Variants in SCHIP1 observed in about 807,000 individuals in gnomAD.
SCHIP1 encodes the protein schwannomin-interacting protein 1.
A neutral mutation model predicts 29.7 loss-of-function variants in SCHIP1; 8 were observed. The ratio of observed to expected loss-of-function variants is 0.27; its 90% CI spans 0.16 to 0.49. The LOEUF is 0.49. Among genes scored for constraint, SCHIP1 ranks in the 20% least tolerant of loss-of-function variants. The probability of loss-of-function intolerance (pLI) is 0.99; values close to 1 mark genes in which losing one functional copy is unlikely to be tolerated. For missense variants in SCHIP1, 193 were observed against 294.6 expected (o/e 0.66, Z 2.52); for synonymous variants, 76 against 94.9 (o/e 0.80, Z 1.16).
intron 1 of SCHIP1, among the ~76,000 whole-genome samples, chr3:159,852,476 A>T (rs1371130514): frequency 6.6e-6 from 1 of 152,184 alleles, no homozygotes; most frequent in Non-Finnish European, 1.5e-5. Flanking sequence ...TGCTTCTTGC[A>T]CCAAAACATC....
At chr3:159,369,167 T>C in the SCHIP1 span, among the ~76,000 whole-genome samples, 1 of 152,314 alleles carries the variant, frequency 6.6e-6, no homozygotes. Flanking sequence ...TCAATGACAA[T>C]TTTCAGTTTT....
chr3:159,769,713 G>C, the SCHIP1 span, among the ~76,000 whole-genome samples: 2 of 152,174 alleles, frequency 1.3e-5, no homozygotes, highest in African/African-American at 4.8e-5. Context: ...TCACACCATT[G>C]CACTCCAGCC....
At chr3:159,474,962 G>T in the SCHIP1 span, among the ~76,000 whole-genome samples, 1 of 152,132 alleles carries the variant, frequency 6.6e-6, no homozygotes, top group African/African-American at 2.4e-5. Flanking sequence ...TGATAAACAC[G>T]TAGAGAAATT....
At chr3:159,596,120 C>A in the SCHIP1 span, among the ~76,000 whole-genome samples, 7 of 152,034 alleles carry the variant, frequency 4.6e-5, no homozygotes, top group Non-Finnish European at 5.9e-5. Flanking sequence ...CAAACAACCC[C>A]ATCCAAAAGT....
At chr3:159,514,012 G>A in the SCHIP1 span, among the ~76,000 whole-genome samples, 1 of 152,170 alleles carries the variant, frequency 6.6e-6, no homozygotes. Context: ...TAATTCAGGT[G>A]CAAGACGTGA....
the SCHIP1 span, among the ~76,000 whole-genome samples, chr3:159,652,402 C>T: frequency 3.9e-5 from 6 of 152,106 alleles, no homozygotes; most frequent in African/African-American, 1.4e-4. Context: ...CCAACAGTCA[C>T]TACAAATTTT....
the SCHIP1 span, among the ~76,000 whole-genome samples, chr3:159,539,068 C>T: frequency 6.6e-6 from 1 of 152,014 alleles, no homozygotes; most frequent in Non-Finnish European, 1.5e-5. Context: ...TAAGAATAGC[C>T]TTGGGTTCAG....
the SCHIP1 span, among the ~76,000 whole-genome samples, chr3:159,584,928 C>G: frequency 6.6e-6 from 1 of 152,004 alleles, no homozygotes; most frequent in African/African-American, 2.4e-5. Context: ...GACTTGGGAC[C>G]TTTGCACTAA....
chr3:159,749,032 G>A, the SCHIP1 span, among the ~76,000 whole-genome samples: 42 of 152,248 alleles, frequency 2.8e-4, no homozygotes, highest in East Asian at 8.1e-3. Flanking sequence ...AGCACTTTGG[G>A]AGGCTGAGGT....
chr3:159,856,592 A>T (rs1466749598), intron 1 of SCHIP1, among the ~76,000 whole-genome samples: 2 of 152,200 alleles, frequency 1.3e-5, no homozygotes, highest in Non-Finnish European at 2.9e-5. Flanking sequence ...GGAATCTGGT[A>T]TTGCCTTCTG....
the SCHIP1 span, among the ~76,000 whole-genome samples, chr3:159,707,323 T>A: frequency 6.6e-6 from 1 of 152,200 alleles, no homozygotes; most frequent in Non-Finnish European, 1.5e-5. Flanking sequence ...ACCTTCCACA[T>A]ATGAGTTGTG....
the SCHIP1 span, among the ~76,000 whole-genome samples, chr3:159,509,499 A>T: frequency 6.6e-6 from 1 of 152,014 alleles, no homozygotes. Context: ...TGTGAATTTG[A>T]TCCTGTCATT....
At chr3:159,275,211 A>G in the SCHIP1 span, 3 of 421,012 alleles carry the variant, frequency 7.1e-6, no homozygotes, top group Non-Finnish European at 9.5e-6. Flanking sequence ...GAAAAGAATG[A>G]AAGGTAGATT....
the SCHIP1 span, among the ~76,000 whole-genome samples, chr3:159,366,172 C>A: frequency 6.6e-6 from 1 of 151,934 alleles, no homozygotes; most frequent in African/African-American, 2.4e-5. Context: ...AAAGCATGAG[C>A]AAGAGAGAAA....
the SCHIP1 span, among the ~76,000 whole-genome samples, chr3:159,465,575 C>T: frequency 9.2e-5 from 14 of 151,988 alleles, no homozygotes; most frequent in East Asian, 2.7e-3. Context: ...ATATATTTAC[C>T]TGGGGGATAA....
At chr3:159,637,484 A>G in the SCHIP1 span, among the ~76,000 whole-genome samples, 1 of 151,686 alleles carries the variant, frequency 6.6e-6, no homozygotes. Context: ...CTCTTAAGCA[A>G]CCCCTGAGCT....
chr3:159,673,820 T>C, the SCHIP1 span, among the ~76,000 whole-genome samples: 17 of 152,196 alleles, frequency 1.1e-4, no homozygotes, highest in South Asian at 2.1e-4. Context: ...GCAGCCTCAT[T>C]TAACATTCAT....
the SCHIP1 span, among the ~76,000 whole-genome samples, chr3:159,589,638 A>T: frequency 1.3e-5 from 2 of 152,170 alleles, no homozygotes; most frequent in Admixed American, 1.3e-4. Context: ...TAAACTTTAC[A>T]CATGTGTACT....
chr3:159,398,236 A>G, the SCHIP1 span, among the ~76,000 whole-genome samples: 4 of 152,202 alleles, frequency 2.6e-5, 1 homozygote, highest in South Asian at 8.3e-4. Flanking sequence ...GGCACTCCCT[A>G]GTGAGATGAA....
Sources: allele counts gnomAD v4.1 joint callset (sites outside exome capture counted in the v4.1 genomes callset), GRCh38; gene constraint gnomAD v4.1.1; transcripts MANE v1.5; gene names NCBI Gene and HGNC (gene_info 2026-07-23, HGNC 2026-07-21).